The following CTIF variants were observed in gnomAD, a reference collection of about 807,000 sequenced individuals.
The protein encoded by CTIF is CBP80/20-dependent translation initiation factor.
A neutral mutation model predicts 66.0 loss-of-function variants in CTIF; 21 were observed. That is an observed-to-expected ratio of 0.32 (90% CI 0.23 to 0.46). The LOEUF (loss-of-function observed/expected upper bound fraction) is 0.46, where lower values mean the gene tolerates loss of function less well. Ranked by LOEUF, CTIF falls within the 20% of genes least tolerant of loss-of-function variation. The pLI is 1.00. For missense variants in CTIF, 739 were observed against 812.7 expected, an observed-to-expected ratio of 0.91 and a Z score of 1.10; for synonymous variants, 345 against 326.4, an observed-to-expected ratio of 1.06 and a Z score of -0.62.
At chr18:48,712,131 G>A in intron 7 of CTIF, among the ~76,000 whole-genome samples, 1 of 152,144 alleles carries the variant, frequency 6.6e-6, no homozygotes, top group East Asian at 1.9e-4. Context: ...CCTCCTCCCT[G>A]GTCATTGGGG....
chr18:48,553,409 C>T (rs557797365), intron 1 of CTIF, among the ~76,000 whole-genome samples: 117 of 152,292 alleles, frequency 7.7e-4, no homozygotes, highest in Non-Finnish European at 1.4e-3. Flanking sequence ...ATCCTGTTTC[C>T]GTTTGCCTTT....
At chr18:48,743,179 T>G (rs2092568993) in intron 7 of CTIF, among the ~76,000 whole-genome samples, 1 of 152,132 alleles carries the variant, frequency 6.6e-6, no homozygotes, top group African/African-American at 2.4e-5. Flanking sequence ...TGGTCAGAGT[T>G]CTCGTGTGGC....
At chr18:48,700,705 C>T (rs958426631) in intron 6 of CTIF, among the ~76,000 whole-genome samples, 2 of 152,202 alleles carry the variant, frequency 1.3e-5, no homozygotes, top group Non-Finnish European at 2.9e-5. Flanking sequence ...CTGTTCACTT[C>T]GAAGGGTGAC....
intron 1 of CTIF, among the ~76,000 whole-genome samples, chr18:48,570,585 G>T (rs1028742050): frequency 1.3e-5 from 2 of 152,228 alleles, no homozygotes; most frequent in Non-Finnish European, 2.9e-5. Context: ...AGTCCCTGGG[G>T]GGTGGGGGGA....
intron 7 of CTIF, among the ~76,000 whole-genome samples, chr18:48,738,101 T>C (rs1400375624): frequency 5.3e-5 from 8 of 152,216 alleles, no homozygotes; most frequent in Non-Finnish European, 8.8e-5. Flanking sequence ...AGCTTCATCC[T>C]TCTTGCAGTC....
At chr18:48,539,339 C>T (rs977643527) in intron 1 of CTIF, 27 bp downstream of exon 1, 3 of 152,168 alleles carry the variant, frequency 2.0e-5, no homozygotes, top group Admixed American at 6.5e-5. Flanking sequence ...CCGTCCTCCT[C>T]TTATAGTCAT....
At chr18:48,577,017 C>G (rs1251264954) in intron 1 of CTIF, among the ~76,000 whole-genome samples, 1 of 152,256 alleles carries the variant, frequency 6.6e-6, no homozygotes. Flanking sequence ...GGGACAGGGT[C>G]TGCCCAGAGC....
At chr18:48,543,108 A>C (rs997446290) in intron 1 of CTIF, among the ~76,000 whole-genome samples, 2 of 152,198 alleles carry the variant, frequency 1.3e-5, no homozygotes, top group African/African-American at 4.8e-5. Flanking sequence ...GTCTGGTCCC[A>C]GATATTGTCC....
intron 9 of CTIF, among the ~76,000 whole-genome samples, chr18:48,810,355 G>A (rs60117081): frequency 6.6e-6 from 1 of 151,972 alleles, no homozygotes; most frequent in African/African-American, 2.4e-5. Context: ...TTTCATTATA[G>A]TTTTGACCAC....
At chr18:48,594,251 A>C (rs1030635337) in intron 1 of CTIF, among the ~76,000 whole-genome samples, 3 of 152,132 alleles carry the variant, frequency 2.0e-5, no homozygotes, top group Non-Finnish European at 2.9e-5. Context: ...AGAAGGGTTC[A>C]TGTTTGGTTA....
chr18:48,830,737 C>T (rs1186767613), intron 10 of CTIF, among the ~76,000 whole-genome samples: 1 of 151,562 alleles, frequency 6.6e-6, no homozygotes. Flanking sequence ...CTCAGACCCC[C>T]CCCCGACCAC....
chr18:48,690,223 T>A (rs1598877011), intron 6 of CTIF, among the ~76,000 whole-genome samples: 1 of 152,174 alleles, frequency 6.6e-6, no homozygotes, highest in Admixed American at 6.5e-5. Flanking sequence ...TTTGGGCGTT[T>A]ACAGACTCTC....
intron 10 of CTIF, among the ~76,000 whole-genome samples, chr18:48,849,300 C>T (rs1218653616): frequency 6.8e-6 from 1 of 147,152 alleles, no homozygotes; most frequent in East Asian, 2.0e-4. Flanking sequence ...TGGGTTCAAG[C>T]GATTCTCCTG....
intron 9 of CTIF, among the ~76,000 whole-genome samples, chr18:48,805,892 G>A (rs1190902673): frequency 1.3e-5 from 2 of 152,008 alleles, no homozygotes; most frequent in Admixed American, 6.6e-5. Context: ...TTATGCATCC[G>A]GTCCACACAC....
intron 6 of CTIF, among the ~76,000 whole-genome samples, chr18:48,679,851 C>T (rs993251678): frequency 2.6e-5 from 4 of 152,148 alleles, no homozygotes; most frequent in African/African-American, 4.8e-5. Context: ...TGGAACTGGG[C>T]CTTGGGGGGT....
chr18:48,762,027 A>G (rs1297116861), intron 9 of CTIF, among the ~76,000 whole-genome samples: 1 of 152,214 alleles, frequency 6.6e-6, no homozygotes, highest in East Asian at 1.9e-4. Context: ...ATCCAAGCAG[A>G]CATGAACTTG....
chr18:48,736,863 A>C (rs538718823), intron 7 of CTIF, among the ~76,000 whole-genome samples: 1 of 152,246 alleles, frequency 6.6e-6, no homozygotes, highest in East Asian at 1.9e-4. Context: ...CTGGGAGAGC[A>C]GTCACCCCTC....
intron 1 of CTIF, among the ~76,000 whole-genome samples, chr18:48,589,529 C>T (rs1368030035): frequency 1.3e-5 from 2 of 152,198 alleles, no homozygotes; most frequent in African/African-American, 2.4e-5. Context: ...ATTCACAGGT[C>T]CTAGGGACTA....
At chr18:48,640,839 T>A (rs1298975361) in intron 3 of CTIF, among the ~76,000 whole-genome samples, 1 of 152,218 alleles carries the variant, frequency 6.6e-6, no homozygotes, top group East Asian at 1.9e-4. Context: ...TTATTTTAGC[T>A]AATGTCAAAA....
Sources: gnomAD v4.1 joint callset for allele counts (sites outside exome capture counted in the v4.1 genomes callset) on GRCh38, gnomAD v4.1.1 for gene constraint, MANE v1.5 for transcripts, NCBI Gene and HGNC (gene_info 2026-07-23, HGNC 2026-07-21) for gene names.